Variants in ZNF385D observed in about 807,000 individuals in gnomAD.
ZNF385D encodes zinc finger protein 659.
Under a neutral mutation model 35.8 loss-of-function variants are expected in ZNF385D, and 15 were observed. The ratio of observed to expected loss-of-function variants is 0.42; its 90% CI spans 0.28 to 0.64. The LOEUF (loss-of-function observed/expected upper bound fraction) is 0.64, where lower values mean the gene tolerates loss of function less well. ZNF385D is among the 30% of genes least tolerant of loss of function. ZNF385D has a pLI of 0.23. For synonymous variants in ZNF385D, 212 were observed against 186.8 expected (o/e 1.13, Z -1.10); for missense variants, 474 against 494.6 (o/e 0.96, Z 0.39).
At chr3:21,647,404 C>G (rs889881058) in intron 2 of ZNF385D, among the ~76,000 whole-genome samples, 1 of 149,824 alleles carries the variant, frequency 6.7e-6, no homozygotes, top group Non-Finnish European at 1.5e-5. Flanking sequence ...CTTCTTCTCT[C>G]CCTCTTTTCC....
At chr3:22,277,515 G>A (rs939029434) in intron 2 of ZNF385D, among the ~76,000 whole-genome samples, 3 of 152,066 alleles carry the variant, frequency 2.0e-5, no homozygotes, top group African/African-American at 7.2e-5. Flanking sequence ...ATAATCACAT[G>A]CTGATTAATG....
intron 4 of ZNF385D, among the ~76,000 whole-genome samples, chr3:21,508,299 C>T (rs936230585): frequency 1.3e-5 from 2 of 152,042 alleles, no homozygotes; most frequent in African/African-American, 2.4e-5. Flanking sequence ...AAGGACAGAT[C>T]CTGGAAGACT....
intron 3 of ZNF385D, among the ~76,000 whole-genome samples, chr3:22,088,527 G>T (rs1236256639): frequency 6.6e-6 from 1 of 152,128 alleles, no homozygotes; most frequent in African/African-American, 2.4e-5. Flanking sequence ...ATCTGAAATT[G>T]TTGCATGAGA....
intron 4 of ZNF385D, among the ~76,000 whole-genome samples, chr3:21,464,078 C>T (rs1042602281): frequency 2.0e-5 from 3 of 152,128 alleles, no homozygotes; most frequent in African/African-American, 7.2e-5. Flanking sequence ...TACAATAAGC[C>T]TTAAACTCAT....
intron 3 of ZNF385D, among the ~76,000 whole-genome samples, chr3:21,967,516 C>A (rs898207798): frequency 1.3e-5 from 2 of 152,180 alleles, no homozygotes; most frequent in Non-Finnish European, 2.9e-5. Flanking sequence ...GCTAAAACAG[C>A]TGGTCCTAAA....
At chr3:21,452,045 T>C (rs369414025) in intron 4 of ZNF385D, among the ~76,000 whole-genome samples, 22 of 152,092 alleles carry the variant, frequency 1.4e-4, no homozygotes, top group African/African-American at 5.3e-4. Flanking sequence ...TAGAAAACTA[T>C]ATATTCAATT....
intron 1 of ZNF385D, among the ~76,000 whole-genome samples, chr3:21,717,147 T>A (rs577677688): frequency 6.6e-6 from 1 of 152,110 alleles, no homozygotes; most frequent in Non-Finnish European, 1.5e-5. Context: ...TCCTGACACA[T>A]AGCAAATTCT....
chr3:21,971,616 A>G (rs986716327), intron 3 of ZNF385D, among the ~76,000 whole-genome samples: 33 of 151,894 alleles, frequency 2.2e-4, no homozygotes, highest in Non-Finnish European at 7.4e-5. Context: ...TTACTCATCA[A>G]TAATAGCATT....
intron 3 of ZNF385D, among the ~76,000 whole-genome samples, chr3:21,995,761 A>G (rs1695426044): frequency 6.6e-6 from 1 of 151,892 alleles, no homozygotes; most frequent in Non-Finnish European, 1.5e-5. Flanking sequence ...CCAGATTGCC[A>G]GAAGGCACAT....
chr3:21,896,226 C>A (rs370892132), intron 3 of ZNF385D, among the ~76,000 whole-genome samples: 19 of 152,060 alleles, frequency 1.2e-4, no homozygotes, highest in African/African-American at 4.1e-4. Context: ...ATCACCTGAA[C>A]AGTTTACATG....
intron 3 of ZNF385D, among the ~76,000 whole-genome samples, chr3:22,025,094 C>A (rs141775995): frequency 6.6e-6 from 1 of 152,044 alleles, no homozygotes; most frequent in Admixed American, 6.5e-5. Context: ...GTGGGAGGAC[C>A]CTGATGAAGC....
chr3:21,511,870 C>T (rs774976172), intron 3 of ZNF385D: 13 of 443,080 alleles, frequency 2.9e-5, no homozygotes, highest in East Asian at 7.0e-5. Context: ...CATTAATTAC[C>T]GGGCGTGGTG....
chr3:22,195,517 G>T (rs1696353664), intron 2 of ZNF385D, among the ~76,000 whole-genome samples: 1 of 151,930 alleles, frequency 6.6e-6, no homozygotes, highest in African/African-American at 2.4e-5. Context: ...AGTTCATAAA[G>T]ATTTTCTCGT....
intron 2 of ZNF385D, among the ~76,000 whole-genome samples, chr3:21,565,316 A>C (rs1399082800): frequency 6.6e-6 from 1 of 152,106 alleles, no homozygotes; most frequent in Non-Finnish European, 1.5e-5. Context: ...ATCTCCCTCC[A>C]TTTTATTTCC....
chr3:21,910,867 GATTAA>G (rs1699926945), intron 3 of ZNF385D, among the ~76,000 whole-genome samples: 1 of 151,660 alleles, frequency 6.6e-6, no homozygotes, highest in Non-Finnish European at 1.5e-5. Flanking sequence ...TAAGCTTTAA[GATTAA>G]ATTTAGTTTT....
At chr3:21,557,080 G>T (rs2062767978) in intron 3 of ZNF385D, among the ~76,000 whole-genome samples, 1 of 152,096 alleles carries the variant, frequency 6.6e-6, no homozygotes, top group African/African-American at 2.4e-5. Flanking sequence ...GAGACAATTG[G>T]GTTATCTAAA....
chr3:22,040,808 T>C (rs115020002), intron 3 of ZNF385D, among the ~76,000 whole-genome samples: 1,627 of 152,208 alleles, frequency 0.011, 41 homozygotes, highest in African/African-American at 0.037. Context: ...CTAGAAAAAA[T>C]AGAGTAAATG....
rs368577633 is a variant in ZNF385D, at chr3:21,929,471, T to G, written c.325+239346A>C. Among the ~76,000 whole-genome samples the G allele has an allele frequency of 3.3e-5, 5 of 151,998 alleles. No individual in the cohort carries two copies. The East Asian group carries it at 7.7e-4, about 23-fold the overall frequency. ...TACTGGAGATTCAAGCTGGTGCAAT[T>G]AGGCCCAAAAAAGTGTTTGGATTAT... On this transcript the variant is annotated intron_variant, in intron 3 of 5. Transcript: ENST00000494108.
In ZNF385D at chr3:21,419,303, A is replaced by T. The variant is rs1328246577; in HGVS notation, c.*1911T>A. Reference sequence around the variant, plus strand: ...ATATATAAAGCCAACTGCTTTAAAGATTCATTTATATGACAAATTTCTATA... The same window carrying T: ...ATATATAAAGCCAACTGCTTTAAAGTTTCATTTATATGACAAATTTCTATA... On this transcript the variant is annotated 3_prime_UTR_variant, in exon 8 of 8. Coordinates refer to ENST00000281523, the MANE Select transcript of ZNF385D (RefSeq NM_024697.3). 1.3e-5 allele frequency: 2 copies of T among 151,860 alleles called. No individual in the cohort carries two copies. Among genetic ancestry groups the T allele is most frequent in the African/African-American group, 2.4e-5 (1 of 41,266 alleles). 9.4% of individuals were successfully genotyped at this position (151,860 alleles called of 1,614,324 possible).
Sources: allele counts gnomAD v4.1 joint callset (sites outside exome capture counted in the v4.1 genomes callset), GRCh38; gene constraint gnomAD v4.1.1; transcripts MANE v1.5; gene names NCBI Gene and HGNC (gene_info 2026-07-23, HGNC 2026-07-21).